Variants in AEBP2 observed in about 807,000 individuals in gnomAD.
AEBP2 encodes the protein AE binding protein 2.
Under a neutral mutation model 50.8 loss-of-function variants are expected in AEBP2, and 10 were observed. The observed-to-expected ratio is 0.20, with a 90% CI of 0.12 to 0.33. AEBP2 has a LOEUF of 0.33. Among genes scored for constraint, AEBP2 ranks in the 10% least tolerant of loss-of-function variants. The pLI, the probability that AEBP2 is intolerant of heterozygous loss-of-function variation, is 1.00. For missense variants in AEBP2, 570 were observed against 688.0 expected (o/e 0.83, Z 1.92); for synonymous variants, 296 against 261.3 (o/e 1.13, Z -1.28).
In AEBP2 at chr12:19,440,179, G is replaced by A. The variant is rs770859882; in HGVS notation, c.480G>A (p.Glu160=). ...GGGACGGCAAGGAGGGCCTGGAGGA[G>A]CCCAAGGGACCGCGGGGCAGCCAGG... ...GDGDGKEGLE[E]PKGPRGSQGG... The change falls in exon 1 of 8, where the codon GAG becomes GAA. Residue 160 remains glutamate (E), a synonymous_variant. Coordinates refer to ENST00000266508, the MANE Select transcript of AEBP2 (RefSeq NM_153207.5). 6.8e-7 allele frequency: 1 copy of A among 1,478,070 alleles called. No homozygotes were observed. Among genetic ancestry groups the A allele is most frequent in the South Asian group, 1.3e-5 (1 of 76,364 alleles). 91.6% of individuals were successfully genotyped at this position (1,478,070 alleles called of 1,614,324 possible).
rs915696885 is a variant in AEBP2, at chr12:19,439,802, C to T, written c.103C>T (p.Pro35Ser). ...PGSAARGRAEPPEEEEEEEEE... is the reference protein window; with the variant it reads ...PGSAARGRAESPEEEEEEEEE... ...TTCGGCGGCGCGGGGCCGGGCTGAG[C>T]CCCCCGAGGAGGAGGAGGAAGAGGA... The change falls in exon 1 of 8, where the codon CCC becomes TCC. Residue 35 changes from proline to serine, a missense_variant. By Grantham distance (74) the Pro-to-Ser change is moderately conservative. Around this residue, in one of 2 missense-constraint regions of AEBP2, gnomAD observed 386 missense variants for 336.8 expected, o/e 1.15. Transcript: ENST00000266508. 9 of 1,510,922 alleles carry T rather than the reference C, an allele frequency of 6.0e-6. No homozygotes were observed. The highest frequency in any genetic ancestry group is 2.7e-5 in the East Asian group (1 of 37,134). The allele number at this position is 1,510,922 out of a possible 1,614,324, so 93.6% of individuals were successfully genotyped here. A position where few individuals can be genotyped will look rare whatever the true frequency, so the allele number is the denominator to read the frequency against.
intron 1 of AEBP2, among the ~76,000 whole-genome samples, chr12:19,428,235 C>CA (rs2095749576): frequency 1.3e-5 from 2 of 151,906 alleles, no homozygotes; most frequent in South Asian, 4.1e-4. Flanking sequence ...GACCCTGTCT[C>CA]AAAAAAATAA....
chr12:19,446,844 T>C (rs1474955508), intron 1 of AEBP2, among the ~76,000 whole-genome samples: 1 of 151,996 alleles, frequency 6.6e-6, no homozygotes, highest in Non-Finnish European at 1.5e-5. Context: ...GGAGGATCAC[T>C]TGGATCCAGG....
intron 1 of AEBP2, chr12:19,457,710 G>GA (rs1201095419): frequency 4.9e-5 from 51 of 1,035,832 alleles, no homozygotes; most frequent in South Asian, 8.6e-5. Flanking sequence ...ATTGTGAAAA[G>GA]AAAAAAAAGC....
intron 1 of AEBP2, among the ~76,000 whole-genome samples, chr12:19,452,066 T>C (rs1466995091): frequency 6.6e-6 from 1 of 152,076 alleles, no homozygotes; most frequent in African/African-American, 2.4e-5. Flanking sequence ...AATTTTTGTA[T>C]TTTTAGTAGA....
intron 3 of AEBP2, among the ~76,000 whole-genome samples, chr12:19,489,281 G>C (rs897556612): frequency 1.3e-5 from 2 of 152,250 alleles, no homozygotes; most frequent in East Asian, 3.9e-4. Context: ...CATGGTGGAA[G>C]GTGAAGGGGA....
intron 1 of AEBP2, chr12:19,457,379 A>C: frequency 7.0e-7 from 1 of 1,437,562 alleles, no homozygotes; most frequent in Non-Finnish European, 9.6e-7. Context: ...CTAGGGCATC[A>C]ATGATAGTCA....
chr12:19,475,463 T>C (rs1253033876), intron 3 of AEBP2, among the ~76,000 whole-genome samples: 2 of 151,982 alleles, frequency 1.3e-5, no homozygotes, highest in African/African-American at 4.8e-5. Flanking sequence ...TGTATGTGTG[T>C]GTATATATAT....
intron 5 of AEBP2, among the ~76,000 whole-genome samples, chr12:19,501,797 G>GTTTTTTGTTTTTTTTTTTTTT (rs1555187205): frequency 2.8e-5 from 2 of 70,870 alleles, no homozygotes; most frequent in African/African-American, 4.9e-5. Flanking sequence ...AAATGAGTTT[G>GTTTTTTGTTTTTTTTTTTTTT]TTTTTTTTTT....
chr12:19,506,222 T>C (rs12229296), intron 5 of AEBP2, among the ~76,000 whole-genome samples: 3,274 of 152,162 alleles, frequency 0.022, 42 homozygotes, highest in East Asian at 0.042. Flanking sequence ...GCAGCTTCCC[T>C]AGTAGCTGGG....
chr12:19,485,252 G>C (rs1007788169), intron 3 of AEBP2, among the ~76,000 whole-genome samples: 5 of 152,050 alleles, frequency 3.3e-5, no homozygotes, highest in Non-Finnish European at 7.4e-5. Context: ...GTTTCCTATT[G>C]GAGAGGGGAA....
intron 2 of AEBP2, among the ~76,000 whole-genome samples, chr12:19,464,381 G>A (rs1450664574): frequency 6.6e-6 from 1 of 152,040 alleles, no homozygotes; most frequent in African/African-American, 2.4e-5. Context: ...CTTAGCAACT[G>A]TGTATAGAAT....
chr12:19,431,430 G>A (rs541484317), intron 1 of AEBP2, among the ~76,000 whole-genome samples: 1 of 152,100 alleles, frequency 6.6e-6, no homozygotes, highest in East Asian at 1.9e-4. Flanking sequence ...AAGTTTTTTG[G>A]CAAGTCAGAT....
At chr12:19,458,076 ATAAGTT>A (rs540973895) in intron 1 of AEBP2, among the ~76,000 whole-genome samples, 411 of 152,338 alleles carry the variant, frequency 2.7e-3, no homozygotes, top group African/African-American at 9.5e-3. Flanking sequence ...TAGAAATACT[ATAAGTT>A]TAGGTGGATT....
At chr12:19,496,069 T>C (rs1948975648) in intron 4 of AEBP2, among the ~76,000 whole-genome samples, 1 of 152,164 alleles carries the variant, frequency 6.6e-6, no homozygotes, top group African/African-American at 2.4e-5. Flanking sequence ...CCTATCCTCA[T>C]TATTATTTTA....
intron 1 of AEBP2, among the ~76,000 whole-genome samples, chr12:19,444,830 T>G (rs1266911337): frequency 1.3e-5 from 2 of 152,224 alleles, no homozygotes; most frequent in Non-Finnish European, 2.9e-5. Flanking sequence ...ATATCTTGGG[T>G]GTGGTGAATA....
chr12:19,507,458 G>A (rs1949168138), intron 5 of AEBP2, among the ~76,000 whole-genome samples: 1 of 152,178 alleles, frequency 6.6e-6, no homozygotes, highest in Admixed American at 6.5e-5. Flanking sequence ...TAAAAAATTT[G>A]CGCAGACTCA....
chr12:19,475,641 G>A (rs1426917214), intron 3 of AEBP2, among the ~76,000 whole-genome samples: 1 of 152,080 alleles, frequency 6.6e-6, no homozygotes, highest in Non-Finnish European at 1.5e-5. Context: ...TCAAATGGTA[G>A]TTCTACTTTT....
chr12:19,405,718 G>T (rs2095735827), intron 1 of AEBP2, among the ~76,000 whole-genome samples: 1 of 152,132 alleles, frequency 6.6e-6, no homozygotes, highest in South Asian at 2.1e-4. Context: ...CCCTAACAGG[G>T]GTTCCTGCTT....
Sources: gnomAD v4.1 joint callset for allele counts (sites outside exome capture counted in the v4.1 genomes callset) on GRCh38, gnomAD v4.1.1 for gene constraint, gnomAD v4.1.1 regional missense constraint, MANE v1.5 for transcripts, NCBI Gene and HGNC (gene_info 2026-07-23, HGNC 2026-07-21) for gene names.